The following BNIPL variants were observed in gnomAD, a reference collection of about 807,000 sequenced individuals.
The protein encoded by BNIPL is BCL2 interacting protein like.
Under a neutral mutation model 47.0 loss-of-function variants are expected in BNIPL, and 33 were observed. That is an observed-to-expected ratio of 0.70 (90% CI 0.53 to 0.94). The LOEUF (loss-of-function observed/expected upper bound fraction) is 0.94, where lower values mean the gene tolerates loss of function less well. Ranked by LOEUF, BNIPL falls within the 40% of genes least tolerant of loss-of-function variation. BNIPL has a pLI of 0.00. For missense variants in BNIPL, 404 were observed against 445.2 expected, an observed-to-expected ratio of 0.91 and a Z score of 0.83; for synonymous variants, 145 against 162.7, an observed-to-expected ratio of 0.89 and a Z score of 0.83.
At chr1:151,043,524 A>T (rs1460779908) in intron 6 of BNIPL, 72 bp from the exon 7 acceptor site, 1 of 1,554,804 alleles carries the variant, frequency 6.4e-7, no homozygotes, top group African/African-American at 1.4e-5. Flanking sequence ...CTGATGGGAG[A>T]GTCTACAGTA....
intron 2 of BNIPL, 122 bp downstream of exon 2, chr1:151,037,784 TGAG>T: frequency 1.4e-6 from 1 of 735,636 alleles, no homozygotes; most frequent in South Asian, 1.6e-5. Context: ...GTGGATCACC[TGAG>T]GTCAGGAGTT....
rs1425635647 is a variant in BNIPL at position 151,047,586 on chromosome 1, A to G, written c.*899A>G. The G allele has an allele frequency of 1.7e-5, 9 of 523,940 alleles. No individual in the cohort carries two copies. In the Middle Eastern group the frequency reaches 1.5e-3, roughly 85 times the overall value. The allele number at this position is 523,940 out of a possible 1,614,324, so 32.5% of individuals were successfully genotyped here. A position where few individuals can be genotyped will look rare whatever the true frequency, so the allele number is the denominator to read the frequency against. ...CTAATAAACTGCGATGAGACATTTA[A>G]GCTCTGCTCCAAAGAAGTGAACGAC... On this transcript the variant is annotated 3_prime_UTR_variant, in exon 10 of 10. Coordinates refer to ENST00000368931, the MANE Select transcript of BNIPL (RefSeq NM_138278.4).
intron 7 of BNIPL, chr1:151,044,830 C>G (rs1366216766): frequency 7.8e-7 from 1 of 1,287,870 alleles, no homozygotes; most frequent in Non-Finnish European, 1.0e-6. Flanking sequence ...TCACATTTCT[C>G]TTCTTGCCCC....
At chr1:151,037,334 G>A (rs2102957662) in intron 1 of BNIPL, 2 of 1,234,492 alleles carry the variant, frequency 1.6e-6, no homozygotes, top group East Asian at 4.0e-5. Flanking sequence ...CTGCTACAGA[G>A]GTAAATATGA....
At chr1:151,043,204 C>T in intron 5 of BNIPL, 66 bp downstream of exon 5, 2 of 1,559,814 alleles carry the variant, frequency 1.3e-6, no homozygotes, top group Non-Finnish European at 1.8e-6. Context: ...AAGCTGGAGA[C>T]TCAGTCATTG....
At chr1:151,039,397 T>C (rs1675743281) in intron 4 of BNIPL, among the ~76,000 whole-genome samples, 1 of 152,062 alleles carries the variant, frequency 6.6e-6, no homozygotes, top group Admixed American at 6.6e-5. Context: ...TAGGGTACAG[T>C]GTAGACAGGG....
chr1:151,037,936 G>A (rs995187472), intron 2 of BNIPL, among the ~76,000 whole-genome samples: 1 of 145,718 alleles, frequency 6.9e-6, no homozygotes, highest in Non-Finnish European at 1.5e-5. Context: ...GGAGGCAGAG[G>A]TTGTAGTGAG....
intron 1 of BNIPL, 173 bp from the exon 2 acceptor site, chr1:151,037,394 A>G: frequency 1.3e-5 from 18 of 1,348,050 alleles, no homozygotes; most frequent in Non-Finnish European, 1.7e-5. Context: ...ACAGCAGGTA[A>G]TCTGCTTCTA....
At chr1:151,044,905 G>C in intron 7 of BNIPL, 1 of 1,290,240 alleles carries the variant, frequency 7.8e-7, no homozygotes, top group Non-Finnish European at 1.0e-6. Flanking sequence ...CTTGGTCATG[G>C]AGCGATGTAG....
chr1:151,043,241 A>G, intron 5 of BNIPL, 91 bp from the exon 6 acceptor site: 1 of 1,509,704 alleles, frequency 6.6e-7, no homozygotes, highest in East Asian at 2.3e-5. Flanking sequence ...TGGAACTTCC[A>G]GAGACCCTCA....
In BNIPL at chr1:151,037,678, G is replaced by A. The variant is rs771068264; in HGVS notation, c.137+16G>A. 2 of 1,575,218 alleles carry A rather than the reference G, an allele frequency of 1.3e-6. No homozygotes were observed. The highest frequency in any genetic ancestry group is 8.6e-7 in the Non-Finnish European group (1 of 1,157,828). On this transcript the variant is annotated intron_variant, in intron 2 of 9. Coordinates refer to ENST00000368931, the MANE Select transcript of BNIPL (RefSeq NM_138278.4). Reference sequence around the variant, plus strand: ...AATTCCCTAGGTGAGGACGTGTGAGGGTGGCTGGGAGAAGGGAGGGGTGGT... The same window carrying A: ...AATTCCCTAGGTGAGGACGTGTGAGAGTGGCTGGGAGAAGGGAGGGGTGGT...
At chr1:151,042,366 C>T (rs180889598) in intron 4 of BNIPL, among the ~76,000 whole-genome samples, 1 of 152,264 alleles carries the variant, frequency 6.6e-6, no homozygotes, top group African/African-American at 2.4e-5. Context: ...ATCTTCCTGC[C>T]TTGGCCTCCC....
Position 151,036,651 on chromosome 1 carries a change from G to T in BNIPL, c.-75G>T. On this transcript the variant is annotated 5_prime_UTR_variant, in exon 1 of 10. Transcript: ENST00000368931. ...GCTGAGACAGAAAAGAGGTAAGGAAGTGTTGGGGGCTGGGACAACCAGCTC... is the reference window on the plus strand; with the variant it reads ...GCTGAGACAGAAAAGAGGTAAGGAATTGTTGGGGGCTGGGACAACCAGCTC... The T allele has an allele frequency of 7.6e-7, 1 of 1,319,766 alleles. No individual in the cohort carries two copies. The highest frequency in any genetic ancestry group is 1.1e-6 in the Non-Finnish European group (1 of 912,950). 81.8% of individuals were successfully genotyped at this position (1,319,766 alleles called of 1,614,324 possible).
chr1:151,045,798 C>G lies in BNIPL; in HGVS notation c.853C>G (p.Leu285Val). 6.2e-7 allele frequency: 1 copy of G among 1,613,990 alleles called. No homozygotes were observed. The highest frequency in any genetic ancestry group is 8.5e-7 in the Non-Finnish European group (1 of 1,179,980). The change falls in exon 8 of 10, where the codon CTA becomes GTA. Residue 285 changes from leucine to valine, a missense_variant and splice_region_variant. Leu to Val is a conservative substitution (Grantham distance 32). Transcript: ENST00000368931. ...RQCYRTLDRRLRKNLRALVVV... is the reference protein window; with the variant it reads ...RQCYRTLDRRVRKNLRALVVV... ...GGATGATCTCATGTTGTTTTTCAGGCTACGGAAAAACCTGCGAGCCCTGGT... is the reference window on the plus strand; with the variant it reads ...GGATGATCTCATGTTGTTTTTCAGGGTACGGAAAAACCTGCGAGCCCTGGT...
chr1:151,038,084 G>A (rs1476331220), intron 2 of BNIPL, among the ~76,000 whole-genome samples: 1 of 139,996 alleles, frequency 7.1e-6, no homozygotes, highest in Non-Finnish European at 1.5e-5. Context: ...ATGGGAAAAA[G>A]AAAACAGAGG....
At chr1:151,038,460 C>G in intron 2 of BNIPL, 44 bp from the exon 3 acceptor site, 1 of 1,454,870 alleles carries the variant, frequency 6.9e-7, no homozygotes, top group East Asian at 2.3e-5. Context: ...GGCTTGATGC[C>G]TTTGGTGTAT....
chr1:151,045,353 C>T (rs1388946144), intron 7 of BNIPL, among the ~76,000 whole-genome samples: 4 of 147,972 alleles, frequency 2.7e-5, no homozygotes, highest in South Asian at 2.1e-4. Context: ...GGGCAGATCA[C>T]GAGGTCAGGA....
chr1:151,044,297 TTATCTGTAAAATGGCAATAGTTA>T (rs1675931591), intron 7 of BNIPL, among the ~76,000 whole-genome samples: 1 of 152,310 alleles, frequency 6.6e-6, no homozygotes, highest in East Asian at 1.9e-4. Context: ...TTCAGCTTCT[TTATCTGTAAAATGGCAATAGTTA>T]TACTTTTGCC....
chr1:151,039,577 G>A (rs1489653901), intron 4 of BNIPL, among the ~76,000 whole-genome samples: 1 of 152,090 alleles, frequency 6.6e-6, no homozygotes, highest in East Asian at 1.9e-4. Context: ...GCATGTTGGG[G>A]AATTCAAAGT....
Sources: gnomAD v4.1 joint callset for allele counts (sites outside exome capture counted in the v4.1 genomes callset) on GRCh38, gnomAD v4.1.1 for gene constraint, MANE v1.5 for transcripts, NCBI Gene and HGNC (gene_info 2026-07-23, HGNC 2026-07-21) for gene names.